Variants in MYH2 observed in about 807,000 individuals in gnomAD.
MYH2 encodes the protein myosin heavy chain 2, also known as myosin-2.
Under a neutral mutation model 228.1 loss-of-function variants are expected in MYH2, and 139 were observed. The observed-to-expected ratio is 0.61, with a 90% CI of 0.53 to 0.70. MYH2 has a LOEUF of 0.70. Ranked by LOEUF, MYH2 falls within the 30% of genes least tolerant of loss-of-function variation. The pLI, the probability that MYH2 is intolerant of heterozygous loss-of-function variation, is 0.00. For synonymous variants in MYH2, 796 were observed against 871.1 expected, an observed-to-expected ratio of 0.91 and a Z score of 1.52; for missense variants, 1,809 against 2,357.5, an observed-to-expected ratio of 0.77 and a Z score of 4.82.
At chr17:10,540,156 C>G in intron 11 of MYH2, 90 bp from the exon 12 acceptor site, 1 of 1,560,064 alleles carries the variant, frequency 6.4e-7, no homozygotes, top group Non-Finnish European at 8.8e-7. Flanking sequence ...CCTGAGGAAA[C>G]TACCAGTGCT....
chr17:10,545,920 A>C (rs1380256564), intron 4 of MYH2, among the ~76,000 whole-genome samples: 4 of 152,166 alleles, frequency 2.6e-5, no homozygotes, highest in African/African-American at 9.7e-5. Flanking sequence ...ACTACAATTC[A>C]GCTTTCTTAT....
Position 10,543,146 on chromosome 17 carries a change from T to C in MYH2, c.757A>G (p.Ile253Val). 6.2e-7 allele frequency: 1 copy of C among 1,610,686 alleles called. No homozygotes were observed. The highest frequency in any genetic ancestry group is 8.5e-7 in the Non-Finnish European group (1 of 1,177,750). The change falls in exon 9 of 40, where the codon ATC becomes GTC. Residue 253 changes from isoleucine to valine, a missense_variant. This residue lies in a region of MYH2 where 373 missense variants were observed against 620.4 expected (regional missense o/e 0.60). Transcript: ENST00000245503. ...AGTTTTCCAGTAGTGCCAAAGTGGA[T>C]TCTGATGAATTTACCCTTGAAATAA... ...NSSRFGKFIR[I>V]HFGTTGKLAS... is the part of the protein sequence containing the mutation.
rs752699239 is a variant in MYH2, at chr17:10,539,994, G to A, written c.1081C>T (p.His361Tyr). ...TGCTTAAATTTTAGGTTCCCATAATGCATCACAGCCCCCGTGAGCTTGTAA... is the reference window on the plus strand; with the variant it reads ...TGCTTAAATTTTAGGTTCCCATAATACATCACAGCCCCCGTGAGCTTGTAA... ...SIYKLTGAVMHYGNLKFKQKQ... is the reference protein window; with the variant it reads ...SIYKLTGAVMYYGNLKFKQKQ... The change falls in exon 12 of 40, where the codon CAT (histidine) becomes TAT (tyrosine). Residue 361 changes from histidine (H) to tyrosine (Y), a missense_variant. Physicochemically the swap from His to Tyr is moderately conservative, Grantham distance 83. Coordinates refer to ENST00000245503, the MANE Select transcript of MYH2 (RefSeq NM_017534.6). 6.2e-7 allele frequency: 1 copy of A among 1,613,974 alleles called. No homozygotes were observed. The highest frequency in any genetic ancestry group is 1.7e-5 in the Admixed American group (1 of 59,994).
intron 27 of MYH2, among the ~76,000 whole-genome samples, chr17:10,528,467 T>C (rs1460016119): frequency 2.0e-5 from 3 of 152,116 alleles, no homozygotes. Context: ...AAAGCTGGTG[T>C]TGTCGTTTAT....
At chr17:10,538,726 C>T (rs1032862081) in intron 14 of MYH2, among the ~76,000 whole-genome samples, 8 of 151,558 alleles carry the variant, frequency 5.3e-5, no homozygotes, top group Non-Finnish European at 8.8e-5. Context: ...TTGGGACCTT[C>T]TATATCCTCT....
chr17:10,523,262 C>T (rs1482136445), intron 38 of MYH2, 46 bp downstream of exon 38: 2 of 1,610,908 alleles, frequency 1.2e-6, no homozygotes, highest in African/African-American at 2.7e-5. Flanking sequence ...GAGTATTTCA[C>T]ATAAACTTCG....
At chr17:10,542,756 A>G in intron 10 of MYH2, 119 bp downstream of exon 10, 3 of 624,226 alleles carry the variant, frequency 4.8e-6, no homozygotes, top group Non-Finnish European at 8.1e-6. Context: ...TCACAAAGCT[A>G]TTTATAAAAT....
At chr17:10,544,069 G>T in intron 6 of MYH2, 31 bp downstream of exon 6, 1 of 1,614,074 alleles carries the variant, frequency 6.2e-7, no homozygotes, top group Middle Eastern at 1.6e-4. Flanking sequence ...AGCTATCACA[G>T]CCATGTAAAG....
chr17:10,523,430 C>T lies in MYH2; in HGVS notation c.5473-18G>A, dbSNP rs769571787. 1.2e-6 allele frequency: 2 copies of T among 1,614,188 alleles called. No homozygotes were observed. Among genetic ancestry groups the T allele is most frequent in the Non-Finnish European group, 1.7e-6 (2 of 1,180,042 alleles). On this transcript the variant is annotated intron_variant, in intron 37 of 39. Coordinates refer to ENST00000245503, the MANE Select transcript of MYH2 (RefSeq NM_017534.6). ...TCCCGTACCTGCAAATAAGTAGGCT[C>T]TTAAGAACTTTGATCCAATAAGGCA... is the stretch of plus-strand genomic sequence containing the variant.
chr17:10,538,200 C>A (rs1353053966), intron 14 of MYH2, among the ~76,000 whole-genome samples: 1 of 152,040 alleles, frequency 6.6e-6, no homozygotes, highest in African/African-American at 2.4e-5. Context: ...TAGGAGCCAA[C>A]TTGCAACCCA....
At position 10,523,121 on chromosome 17, in the gene MYH2, A is replaced by C. The variant is rs772343330; in HGVS notation, c.5642T>G (p.Val1881Gly). ...QDLVDKLQAK[V>G]KSYKRQAEEA... ...CTCAGCTTGTCTCTTATAAGATTTC[A>C]CTTTTGCCTGAAGTTTATCTACCAA... Residue 1881 changes from valine (V) to glycine (G), a missense_variant, in exon 39 of 40, where the codon GTG (valine) becomes GGG (glycine). Around this residue, in one of 9 missense-constraint regions of MYH2, gnomAD observed 278 missense variants for 308.5 expected, o/e 0.90. Coordinates refer to ENST00000245503, the MANE Select transcript of MYH2 (RefSeq NM_017534.6). 6.2e-7 allele frequency: 1 copy of C among 1,613,778 alleles called. No individual in the cohort carries two copies. Among genetic ancestry groups the C allele is most frequent in the Non-Finnish European group, 8.5e-7 (1 of 1,179,672 alleles).
At chr17:10,536,431 A>G in intron 17 of MYH2, 99 bp downstream of exon 17, 1 of 987,126 alleles carries the variant, frequency 1.0e-6, no homozygotes. Context: ...TGAATAGATA[A>G]ATATATCCTT....
rs765899352 is a variant in MYH2, at chr17:10,537,570, G to T, written c.1588-28C>A. On this transcript the variant is annotated intron_variant, in intron 15 of 39. Coordinates refer to ENST00000245503, the MANE Select transcript of MYH2 (RefSeq NM_017534.6). The surrounding 1 kb of genome is among the most constrained non-coding windows in gnomAD (Gnocchi z 4.0). ...AAAAAGCAGACCACAACACAAAATT[G>T]TACTTCTATTTTTTTTTCTGTCTAT... is the stretch of plus-strand genomic sequence containing the variant. 3 of 1,613,836 alleles carry T rather than the reference G, an allele frequency of 1.9e-6. No homozygotes were observed. The Admixed American group carries it at 5.0e-5, about 27-fold the overall frequency.
chr17:10,535,426 G>A lies in MYH2; in HGVS notation c.1975-61C>T, dbSNP rs1597453658. 5.0e-6 allele frequency: 7 copies of A among 1,391,752 alleles called. No homozygotes were observed. The East Asian group carries it at 1.4e-4, about 27-fold the overall frequency. The allele number at this position is 1,391,752 out of a possible 1,614,324, so 86.2% of individuals were successfully genotyped here. On this transcript the variant is annotated intron_variant, in intron 17 of 39. Coordinates refer to ENST00000245503, the MANE Select transcript of MYH2 (RefSeq NM_017534.6). ...CTAGACATGGATATGAGCAGTCATT[G>A]GTGTCTATAAAATCAATATCTATAG... is the stretch of plus-strand genomic sequence containing the variant.
Position 10,537,338 on chromosome 17 carries a change from C to G in MYH2, c.1792G>C (p.Glu598Gln). Residue 598 changes from glutamate to glutamine, a missense_variant, in exon 16 of 40, where the codon GAG becomes CAG. Glu to Gln is a conservative substitution (Grantham distance 29, BLOSUM62 2). Around this residue, in one of 9 missense-constraint regions of MYH2, gnomAD observed 41 missense variants for 35.1 expected, o/e 1.17. Coordinates refer to ENST00000245503, the MANE Select transcript of MYH2 (RefSeq NM_017534.6). The surrounding 1 kb of genome is among the most constrained non-coding windows in gnomAD (Gnocchi z 4.0). ...VVDYNITGWL[E>Q]KNKDPLNETV... ...TCATTCAGGGGGTCCTTGTTCTTCTCCAGCCAGCCAGTAATGTTGTAGTCC... is the reference window on the plus strand; with the variant it reads ...TCATTCAGGGGGTCCTTGTTCTTCTGCAGCCAGCCAGTAATGTTGTAGTCC... 1 of 1,614,206 alleles carries G rather than the reference C, an allele frequency of 6.2e-7. No homozygotes were observed. The highest frequency in any genetic ancestry group is 8.5e-7 in the Non-Finnish European group (1 of 1,180,036).
At position 10,537,155 on chromosome 17, in the gene MYH2, G is replaced by A; in HGVS notation, c.1897+78C>T. On this transcript the variant is annotated intron_variant, in intron 16 of 39. Transcript: ENST00000245503. The surrounding 1 kb of genome is among the most constrained non-coding windows in gnomAD (Gnocchi z 4.0). ...GGCTTGGTCTGCAACCCTTCTGCCA[G>A]ACCTAAGAGATCACTAGCTTCAATT... 1.3e-6 allele frequency: 2 copies of A among 1,587,044 alleles called. No individual in the cohort carries two copies. Among genetic ancestry groups the A allele is most frequent in the South Asian group, 1.1e-5 (1 of 90,438 alleles).
In MYH2 at chr17:10,529,939, T is replaced by G. The variant is rs2073404916; in HGVS notation, c.2833A>C (p.Lys945Gln). 4 of 1,612,948 alleles carry G rather than the reference T, an allele frequency of 2.5e-6. No individual in the cohort carries two copies. Among genetic ancestry groups the G allele is most frequent in the Non-Finnish European group, 2.5e-6 (3 of 1,179,176 alleles). Residue 945 changes from lysine to glutamine, a missense_variant, in exon 23 of 40, where the codon AAG becomes CAG. This residue lies in a region of MYH2 where 43 missense variants were observed against 89.2 expected (regional missense o/e 0.48). Coordinates refer to ENST00000245503, the MANE Select transcript of MYH2 (RefSeq NM_017534.6). ...CATTCATCCTCCAGTTTCCTCTTCT[T>G]GGCTGTCAGCTCAGCATTGATCTCT... ...EEEINAELTA[K>Q]KRKLEDECSE...
intron 27 of MYH2, among the ~76,000 whole-genome samples, 173 bp from the exon 28 acceptor site, chr17:10,528,047 C>CTTTTTTTTTTTT (rs71365770): frequency 2.3e-5 from 3 of 131,856 alleles, no homozygotes; most frequent in Middle Eastern, 4.2e-3. Flanking sequence ...TTCTTTCTTT[C>CTTTTTTTTTTTT]TTTTTTTTTT....
intron 17 of MYH2, 41 bp downstream of exon 17, chr17:10,536,489 C>A (rs1241342575): frequency 6.4e-7 from 1 of 1,568,032 alleles, no homozygotes; most frequent in Non-Finnish European, 8.7e-7. Flanking sequence ...AAAAAAAATC[C>A]CAAAGTAATT....
Sources: gnomAD v4.1 joint callset for allele counts (sites outside exome capture counted in the v4.1 genomes callset) on GRCh38, gnomAD v4.1.1 for gene constraint, gnomAD v4.1.1 regional missense constraint, Gnocchi (gnomAD v3.1) non-coding constraint, MANE v1.5 for transcripts, NCBI Gene and HGNC (gene_info 2026-07-23, HGNC 2026-07-21) for gene names.